The following ANK2 variants were observed in gnomAD, a reference collection of about 807,000 sequenced individuals.
ANK2 encodes ankyrin 2, also known as ankyrin-2.
In ANK2, 83 loss-of-function variants were observed where a neutral mutation model predicts 360.5. The ratio of observed to expected loss-of-function variants is 0.23; its 90% CI spans 0.19 to 0.28. The LOEUF is 0.28. Ranked by LOEUF, ANK2 falls within the 10% of genes least tolerant of loss-of-function variation. The probability of loss-of-function intolerance (pLI) is 1.00; values close to 1 mark genes in which losing one functional copy is unlikely to be tolerated. For missense variants in ANK2, 4,201 were observed against 4,795.7 expected, an observed-to-expected ratio of 0.88 and a Z score of 3.66; for synonymous variants, 1,740 against 1,759.5, an observed-to-expected ratio of 0.99 and a Z score of 0.28.
intron 36 of ANK2, among the ~76,000 whole-genome samples, chr4:113,348,780 A>C (rs2095171419): frequency 6.6e-6 from 1 of 152,144 alleles, no homozygotes; most frequent in Non-Finnish European, 1.5e-5. Flanking sequence ...CACTCTGGCA[A>C]TTAATGGAAT....
intron 5 of ANK2, 54 bp from the exon 6 acceptor site, chr4:113,236,933 A>C (rs1400822023): frequency 6.4e-7 from 1 of 1,561,876 alleles, no homozygotes; most frequent in Non-Finnish European, 8.8e-7. Context: ...CTTAGAACTA[A>C]ATCTCTAGCA....
chr4:112,866,096 A>G (rs187514380), intron 1 of ANK2, among the ~76,000 whole-genome samples: 2 of 152,228 alleles, frequency 1.3e-5, no homozygotes, highest in Admixed American at 6.5e-5. Context: ...AGCTATAGCT[A>G]TCTTTTCGGC....
chr4:112,957,665 C>G (rs1334654745), intron 2 of ANK2, among the ~76,000 whole-genome samples: 2 of 150,654 alleles, frequency 1.3e-5, no homozygotes, highest in Non-Finnish European at 3.0e-5. Flanking sequence ...ACCTCCCTCC[C>G]GGACGGGGCG....
intron 2 of ANK2, among the ~76,000 whole-genome samples, chr4:113,185,072 A>G (rs138890901): frequency 0.03 from 4,559 of 152,204 alleles, 234 homozygotes; most frequent in African/African-American, 0.1. Flanking sequence ...TCCATGGTGT[A>G]TATGTGCCAC....
chr4:113,051,707 G>A (rs1203356974), intron 1 of ANK2, among the ~76,000 whole-genome samples: 3 of 151,982 alleles, frequency 2.0e-5, no homozygotes, highest in Admixed American at 6.6e-5. Flanking sequence ...GACATAAGTG[G>A]GTCTGAATCT....
At chr4:112,746,014 A>G in the ANK2 span, among the ~76,000 whole-genome samples, 1 of 151,714 alleles carries the variant, frequency 6.6e-6, no homozygotes, top group East Asian at 1.9e-4. Context: ...TTTTTTTTCA[A>G]TAATCCTGTC....
chr4:113,295,224 C>T (rs1373355223), intron 22 of ANK2, among the ~76,000 whole-genome samples: 1 of 152,120 alleles, frequency 6.6e-6, no homozygotes, highest in Non-Finnish European at 1.5e-5. Context: ...GAAGAATTAT[C>T]AGTGGTGAAA....
intron 2 of ANK2, among the ~76,000 whole-genome samples, chr4:112,958,137 C>G (rs1490120600): frequency 1.3e-5 from 2 of 151,786 alleles, no homozygotes; most frequent in Non-Finnish European, 2.9e-5. Context: ...AGGGGCTCCT[C>G]ACGTCCCAGA....
chr4:113,243,057 T>C (rs1442881266), intron 9 of ANK2, among the ~76,000 whole-genome samples: 6 of 152,198 alleles, frequency 3.9e-5, no homozygotes, highest in Admixed American at 3.9e-4. Flanking sequence ...TTTGATAATA[T>C]TACTGACGTT....
At chr4:112,910,023 T>C (rs1356862358) in intron 2 of ANK2, among the ~76,000 whole-genome samples, 1 of 152,194 alleles carries the variant, frequency 6.6e-6, no homozygotes, top group South Asian at 2.1e-4. Flanking sequence ...TATTCTTTAG[T>C]GTTAAAATTT....
At chr4:112,864,337 T>G (rs1190288522) in intron 1 of ANK2, among the ~76,000 whole-genome samples, 1 of 152,118 alleles carries the variant, frequency 6.6e-6, no homozygotes, top group African/African-American at 2.4e-5. Context: ...TGAGACGGAG[T>G]CTCGCTCTGT....
At chr4:113,024,301 C>T (rs1319542112) in intron 2 of ANK2, among the ~76,000 whole-genome samples, 1 of 152,100 alleles carries the variant, frequency 6.6e-6, no homozygotes, top group African/African-American at 2.4e-5. Flanking sequence ...GTATACTAGA[C>T]ACTCTCTCAG....
rs143249414 is a variant in ANK2, at chr4:113,290,482, C to T, written c.2278-1934C>T. Among the ~76,000 whole-genome samples the T allele has an allele frequency of 6.9e-3, 1,053 of 152,112 alleles. 8 individuals are homozygous for T. The highest frequency in any genetic ancestry group is 8.4e-3 in the Non-Finnish European group (571 of 67,978). ...ACTTGTTTTATAAGACTATTTGTTG[C>T]TTAAAATTAGAATGAAACCCTGTTA... On this transcript the variant is annotated intron_variant, in intron 20 of 45. Transcript: ENST00000357077.
At chr4:112,802,097 G>A in the ANK2 span, among the ~76,000 whole-genome samples, 5 of 152,144 alleles carry the variant, frequency 3.3e-5, no homozygotes, top group Admixed American at 2.6e-4. Context: ...TGGCTACTAG[G>A]TGAGATGGAG....
At chr4:112,756,928 G>A in the ANK2 span, among the ~76,000 whole-genome samples, 3 of 151,714 alleles carry the variant, frequency 2.0e-5, no homozygotes, top group East Asian at 2.0e-4. Context: ...AGTTGAGATT[G>A]CGGCATTGCA....
At chr4:112,995,428 A>G (rs115866252) in intron 2 of ANK2, among the ~76,000 whole-genome samples, 4,034 of 151,550 alleles carry the variant, frequency 0.027, 72 homozygotes, top group Middle Eastern at 0.041. Flanking sequence ...CATGTCCTTT[A>G]CTCTGTTTTT....
chr4:112,793,306 TA>T, the ANK2 span, among the ~76,000 whole-genome samples: 55 of 151,846 alleles, frequency 3.6e-4, no homozygotes, highest in African/African-American at 1.0e-3. Context: ...TTTGCACTAA[TA>T]AAAAAAAGGC....
At chr4:112,941,961 A>G (rs1335281936) in intron 2 of ANK2, among the ~76,000 whole-genome samples, 2 of 151,516 alleles carry the variant, frequency 1.3e-5, no homozygotes, top group Non-Finnish European at 3.0e-5. Flanking sequence ...TACTTATAAT[A>G]TTTATAAAAT....
rs1388891299 is a variant in ANK2 at position 113,356,775 on chromosome 4, T to C, written c.8157T>C (p.Thr2719=). The part of the protein sequence containing the change: ...QFQPVVSKQY[T]FKMNEDTQEE... ...AGCCTGTCGTTTCCAAACAATATACTTTCAAGATGAATGAAGATACTCAGG... is the reference window on the plus strand; with the variant it reads ...AGCCTGTCGTTTCCAAACAATATACCTTCAAGATGAATGAAGATACTCAGG... The change falls in exon 38 of 46, where the codon ACT becomes ACC. Residue 2719 remains threonine, a synonymous_variant. Transcript: ENST00000357077. 4.3e-6 allele frequency: 7 copies of C among 1,613,996 alleles called. No homozygotes were observed. The highest frequency in any genetic ancestry group is 5.9e-6 in the Non-Finnish European group (7 of 1,179,986).
Sources: gnomAD v4.1 joint callset for allele counts (sites outside exome capture counted in the v4.1 genomes callset) on GRCh38, gnomAD v4.1.1 for gene constraint, MANE v1.5 for transcripts, NCBI Gene and HGNC (gene_info 2026-07-23, HGNC 2026-07-21) for gene names.